MTUS2: variants seen among roughly 807,000 people sequenced by gnomAD.
MTUS2 encodes microtubule-associated tumor suppressor candidate 2.
Under a neutral mutation model 114.1 loss-of-function variants are expected in MTUS2, and 40 were observed. That is an observed-to-expected ratio of 0.35 (90% confidence interval 0.27 to 0.46). MTUS2 has a LOEUF of 0.46. Among genes scored for constraint, MTUS2 ranks in the 20% least tolerant of loss-of-function variants. MTUS2 has a pLI of 1.00. For synonymous variants in MTUS2, 688 were observed against 672.0 expected (o/e 1.02, Z -0.37); for missense variants, 1,679 against 1,705.4 (o/e 0.98, Z 0.27).
intron 14 of MTUS2, among the ~76,000 whole-genome samples, chr13:29,498,782 G>T (rs1417157765): frequency 6.6e-6 from 1 of 152,180 alleles, no homozygotes; most frequent in African/African-American, 2.4e-5. Context: ...GCTTCGCCCT[G>T]GTTTTCCCAC....
chr13:29,390,756 GTGATGATGATGATGA>G (rs71090251), intron 8 of MTUS2, among the ~76,000 whole-genome samples: 11 of 146,588 alleles, frequency 7.5e-5, no homozygotes, highest in African/African-American at 1.3e-4. Flanking sequence ...CCACCAAATG[GTGATGATGATGATGA>G]TGATGATGAT....
intron 2 of MTUS2, among the ~76,000 whole-genome samples, chr13:28,857,610 T>C (rs146660792): frequency 5.3e-5 from 8 of 152,338 alleles, no homozygotes; most frequent in Admixed American, 5.2e-4. Flanking sequence ...TTCAAGTGTT[T>C]TAATAAATAC....
intron 5 of MTUS2, among the ~76,000 whole-genome samples, chr13:29,169,720 C>A (rs1324849685): frequency 6.6e-6 from 1 of 152,104 alleles, no homozygotes; most frequent in Non-Finnish European, 1.5e-5. Flanking sequence ...TCCTGCTGAA[C>A]TTTGATGAGC....
At chr13:28,938,994 C>T (rs961545301) in intron 2 of MTUS2, among the ~76,000 whole-genome samples, 1 of 152,214 alleles carries the variant, frequency 6.6e-6, no homozygotes, top group Admixed American at 6.5e-5. Context: ...CTTCATTCTG[C>T]TTCACATTTC....
intron 5 of MTUS2, among the ~76,000 whole-genome samples, chr13:29,266,881 T>A: frequency 6.6e-6 from 1 of 152,224 alleles, no homozygotes; most frequent in East Asian, 1.9e-4. Flanking sequence ...GAATCCTACC[T>A]GCCTGGGGTT....
At chr13:29,246,288 G>A (rs1896922421) in intron 5 of MTUS2, among the ~76,000 whole-genome samples, 1 of 152,166 alleles carries the variant, frequency 6.6e-6, no homozygotes, top group South Asian at 2.1e-4. Context: ...AGGGAAGGAA[G>A]GAAACTATGA....
intron 5 of MTUS2, among the ~76,000 whole-genome samples, chr13:29,238,977 G>T (rs1209692465): frequency 1.3e-5 from 2 of 152,134 alleles, no homozygotes; most frequent in Non-Finnish European, 2.9e-5. Context: ...GGAGATCTTG[G>T]TCCAAGGATA....
intron 2 of MTUS2, among the ~76,000 whole-genome samples, chr13:28,902,134 C>T (rs187097024): frequency 6.6e-6 from 1 of 152,160 alleles, no homozygotes; most frequent in East Asian, 1.9e-4. Context: ...AATACTTGTT[C>T]TTATAAGCAT....
At chr13:29,325,466 A>AAAAAAAAG (rs1555265213) in intron 7 of MTUS2, among the ~76,000 whole-genome samples, 1 of 126,404 alleles carries the variant, frequency 7.9e-6, no homozygotes, top group Non-Finnish European at 1.6e-5. Flanking sequence ...AAAAAAAAAA[A>AAAAAAAAG]AAAAGAAAAG....
intron 2 of MTUS2, among the ~76,000 whole-genome samples, chr13:28,939,297 T>A (rs900631733): frequency 2.0e-5 from 3 of 152,146 alleles, no homozygotes; most frequent in African/African-American, 7.2e-5. Context: ...CTGCAGAACG[T>A]TTTTAGTGTG....
At chr13:29,501,452 G>C (rs892019058) in intron 15 of MTUS2, among the ~76,000 whole-genome samples, 1 of 152,214 alleles carries the variant, frequency 6.6e-6, no homozygotes, top group African/African-American at 2.4e-5. Context: ...ACTGGGAGGG[G>C]AAGGGGTTTA....
At chr13:29,127,731 C>T (rs905909112) in intron 5 of MTUS2, among the ~76,000 whole-genome samples, 1 of 152,208 alleles carries the variant, frequency 6.6e-6, no homozygotes, top group Non-Finnish European at 1.5e-5. Context: ...CTGCACCGGG[C>T]CCCGCTTGCC....
intron 7 of MTUS2, among the ~76,000 whole-genome samples, chr13:29,338,171 C>A (rs74759389): frequency 0.022 from 3,365 of 152,102 alleles, 96 homozygotes; most frequent in African/African-American, 0.075. Flanking sequence ...CAGTTTTCCC[C>A]GATAGTCTAG....
At chr13:29,148,604 A>G (rs1347261719) in intron 5 of MTUS2, among the ~76,000 whole-genome samples, 3 of 107,942 alleles carry the variant, frequency 2.8e-5, no homozygotes, top group African/African-American at 5.6e-5. Context: ...TCAGCCTCCC[A>G]AGTAGCTGGG....
At chr13:28,860,561 A>G (rs1566182126) in intron 2 of MTUS2, among the ~76,000 whole-genome samples, 1 of 152,132 alleles carries the variant, frequency 6.6e-6, no homozygotes, top group African/African-American at 2.4e-5. Context: ...AGTGGAGTGC[A>G]CCTTAGCAAA....
intron 2 of MTUS2, among the ~76,000 whole-genome samples, chr13:28,940,848 C>T (rs1299487942): frequency 6.6e-6 from 1 of 151,870 alleles, no homozygotes; most frequent in African/African-American, 2.4e-5. Flanking sequence ...TTTAGAGTTC[C>T]AGAAAATGAG....
intron 2 of MTUS2, among the ~76,000 whole-genome samples, chr13:28,961,702 C>T (rs1435880118): frequency 6.6e-6 from 1 of 152,132 alleles, no homozygotes; most frequent in Non-Finnish European, 1.5e-5. Flanking sequence ...TTTTATTGTA[C>T]ACTTTACAAA....
chr13:29,101,032 CTG>C (rs1890397979), intron 5 of MTUS2, 62 bp downstream of exon 5: 2 of 1,429,780 alleles, frequency 1.4e-6, no homozygotes, highest in South Asian at 2.8e-5. Context: ...GCCTGTGTAA[CTG>C]TGTGTCATTT....
At chr13:29,241,035 T>A (rs1896711618) in intron 5 of MTUS2, among the ~76,000 whole-genome samples, 1 of 152,200 alleles carries the variant, frequency 6.6e-6, no homozygotes, top group South Asian at 2.1e-4. Context: ...TTTTAATTAT[T>A]GACAAAGAAG....
Sources: allele counts gnomAD v4.1 joint callset (sites outside exome capture counted in the v4.1 genomes callset), GRCh38; gene constraint gnomAD v4.1.1; transcripts MANE v1.5; gene names NCBI Gene and HGNC (gene_info 2026-07-23, HGNC 2026-07-21).